PTPRN2: variants seen among roughly 807,000 people sequenced by gnomAD.
PTPRN2 encodes receptor-type tyrosine-protein phosphatase N2.
A neutral mutation model predicts 118.8 loss-of-function variants in PTPRN2; 74 were observed. The ratio of observed to expected loss-of-function variants is 0.62; its 90% CI spans 0.52 to 0.76. The LOEUF (loss-of-function observed/expected upper bound fraction) is 0.76. Among genes scored for constraint, PTPRN2 ranks in the 30% least tolerant of loss-of-function variants. PTPRN2 has a pLI of 0.00. For synonymous variants in PTPRN2, 641 were observed against 608.0 expected (o/e 1.05, Z -0.80); for missense variants, 1,481 against 1,394.4 (o/e 1.06, Z -0.99).
intron 12 of PTPRN2, among the ~76,000 whole-genome samples, 173 bp downstream of exon 12, chr7:157,898,500 G>T (rs377515051): frequency 6.6e-6 from 1 of 152,086 alleles, no homozygotes; most frequent in African/African-American, 2.4e-5. Context: ...GGCACGTTTC[G>T]CCACCGTTTC....
At chr7:158,040,312 C>G (rs1236082709) in intron 11 of PTPRN2, among the ~76,000 whole-genome samples, 1 of 152,082 alleles carries the variant, frequency 6.6e-6, no homozygotes, top group African/African-American at 2.4e-5. Context: ...AATTCACACT[C>G]ACACACACAG....
rs138092118 is a variant in PTPRN2, at chr7:157,920,134, G to A, written c.1724-21397C>T. On this transcript the variant is annotated intron_variant, in intron 11 of 22. Transcript: ENST00000389418. ...GAAACATTTATCTGAAGGCAGCCTC[G>A]TCATTAAGCAACGCATCGCTGTCTA... Among the ~76,000 whole-genome samples, 8 of 152,238 alleles carry A rather than the reference G, an allele frequency of 5.3e-5. No homozygotes were observed. In the East Asian group the frequency reaches 9.6e-4, roughly 18 times the overall value.
At chr7:157,824,622 CA>C (rs1180485706) in intron 12 of PTPRN2, among the ~76,000 whole-genome samples, 1 of 152,182 alleles carries the variant, frequency 6.6e-6, no homozygotes, top group African/African-American at 2.4e-5. Context: ...GAGGCTGCCC[CA>C]TTCCGGAGGG....
At chr7:157,669,833 G>A (rs1398237873) in intron 13 of PTPRN2, among the ~76,000 whole-genome samples, 3 of 152,106 alleles carry the variant, frequency 2.0e-5, no homozygotes, top group African/African-American at 7.2e-5. Context: ...GCCCTTTCTC[G>A]AGTCCCCACA....
intron 1 of PTPRN2, among the ~76,000 whole-genome samples, chr7:158,573,727 T>G (rs1828172628): frequency 1.3e-5 from 2 of 152,236 alleles, no homozygotes; most frequent in African/African-American, 4.8e-5. Context: ...CAAAAATTAC[T>G]GAACATATAT....
intron 2 of PTPRN2, among the ~76,000 whole-genome samples, chr7:158,334,619 C>A (rs866827624): frequency 9.9e-6 from 1 of 100,878 alleles, no homozygotes; most frequent in Non-Finnish European, 2.2e-5. Flanking sequence ...AGCCGACGCC[C>A]GCAGACGTCA....
intron 21 of PTPRN2, among the ~76,000 whole-genome samples, chr7:157,563,490 A>C (rs1473198830): frequency 1.7e-5 from 2 of 120,048 alleles, no homozygotes; most frequent in Non-Finnish European, 3.4e-5. Context: ...CACACACAGC[A>C]GATCAGGACC....
chr7:158,287,346 A>C (rs1799832641), intron 3 of PTPRN2, among the ~76,000 whole-genome samples: 1 of 151,580 alleles, frequency 6.6e-6, no homozygotes, highest in Admixed American at 6.6e-5. Flanking sequence ...GATCTTTATT[A>C]TTTCTTTCCT....
intron 12 of PTPRN2, 106 bp from the exon 13 acceptor site, chr7:157,683,043 G>A (rs935434497): frequency 7.8e-6 from 8 of 1,019,666 alleles, no homozygotes; most frequent in African/African-American, 1.6e-5. Flanking sequence ...AGCCCCACAG[G>A]ACGCTGTGCT....
chr7:158,146,354 C>A (rs1233700073), intron 6 of PTPRN2, among the ~76,000 whole-genome samples: 3 of 152,218 alleles, frequency 2.0e-5, no homozygotes, highest in African/African-American at 4.8e-5. Context: ...CCTCCACCCA[C>A]TAACCTACCC....
At chr7:158,286,937 T>C (rs568222973) in intron 3 of PTPRN2, among the ~76,000 whole-genome samples, 1 of 152,340 alleles carries the variant, frequency 6.6e-6, no homozygotes, top group Non-Finnish European at 1.5e-5. Context: ...TTAGTCCTTC[T>C]TTAAATGTTA....
intron 3 of PTPRN2, among the ~76,000 whole-genome samples, chr7:158,289,762 G>T (rs1563093272): frequency 6.6e-6 from 1 of 152,116 alleles, no homozygotes; most frequent in African/African-American, 2.4e-5. Flanking sequence ...GCCTTACGTT[G>T]ATGTCTGCAC....
Position 158,319,678 on chromosome 7 carries a change from CACAGCCTCTCTCACACAGCCTCCCTCAT to C in PTPRN2, c.164-2774_164-2747del, listed in dbSNP as rs1352908475. On this transcript the variant is annotated intron_variant, in intron 2 of 22. Transcript: ENST00000389418. ...ACACACACACAGCCTCCCTCACACACACAGCCTCTCTCACACAGCCTCCCTCATACACACAGCCTCCCTCACACACACT... is the reference window on the plus strand; with the variant it reads ...ACACACACACAGCCTCCCTCACACACACACACAGCCTCCCTCACACACACT... Among the ~76,000 whole-genome samples, 23 of 7,326 alleles carry C rather than the reference CACAGCCTCTCTCACACAGCCTCCCTCAT, an allele frequency of 3.1e-3. 5 individuals are homozygous for C. The highest frequency in any genetic ancestry group is 0.011 in the African/African-American group (5 of 470). The allele number at this position is 7,326 out of a possible 152,430, so 4.8% of individuals were successfully genotyped here.
chr7:157,761,869 T>G (rs560731747), intron 12 of PTPRN2, among the ~76,000 whole-genome samples: 2 of 151,720 alleles, frequency 1.3e-5, no homozygotes, highest in Non-Finnish European at 2.9e-5. Flanking sequence ...AGGGCTAATA[T>G]CCAGAATCTA....
chr7:157,547,814 G>T (rs1164876758), intron 22 of PTPRN2, among the ~76,000 whole-genome samples: 1 of 152,216 alleles, frequency 6.6e-6, no homozygotes. Flanking sequence ...GACAAGAGAC[G>T]TTCCACAAAG....
At chr7:157,911,352 T>C (rs1798098079) in intron 11 of PTPRN2, among the ~76,000 whole-genome samples, 1 of 152,194 alleles carries the variant, frequency 6.6e-6, no homozygotes, top group African/African-American at 2.4e-5. Context: ...GGTCCCATCC[T>C]GCTTAGTATA....
At chr7:157,860,355 G>A (rs977285469) in intron 12 of PTPRN2, among the ~76,000 whole-genome samples, 3 of 152,184 alleles carry the variant, frequency 2.0e-5, no homozygotes, top group Non-Finnish European at 4.4e-5. Context: ...CCACCCCACA[G>A]TCCACCCACA....
At chr7:158,334,139 G>T (rs1327824554) in intron 2 of PTPRN2, among the ~76,000 whole-genome samples, 2 of 23,218 alleles carry the variant, frequency 8.6e-5, no homozygotes, top group African/African-American at 3.5e-4. Context: ...CTCACCATAA[G>T]AGGTGACACA....
intron 1 of PTPRN2, among the ~76,000 whole-genome samples, chr7:158,564,736 C>T (rs998518966): frequency 5.9e-5 from 9 of 152,258 alleles, no homozygotes; most frequent in Non-Finnish European, 8.8e-5. Context: ...ATTTAAAGCA[C>T]AGGCAAAGAA....
Sources: allele counts gnomAD v4.1 joint callset (sites outside exome capture counted in the v4.1 genomes callset), GRCh38; gene constraint gnomAD v4.1.1; transcripts MANE v1.5; gene names NCBI Gene and HGNC (gene_info 2026-07-23, HGNC 2026-07-21).